UNC79: variants seen among roughly 807,000 people sequenced by gnomAD.
UNC79 encodes the protein protein unc-79 homolog.
In UNC79, 37 loss-of-function variants were observed where a neutral mutation model predicts 283.1. The ratio of observed to expected loss-of-function variants is 0.13; its 90% CI spans 0.10 to 0.17. The LOEUF (loss-of-function observed/expected upper bound fraction) is 0.17, where lower values mean the gene tolerates loss of function less well. Among genes scored for constraint, UNC79 ranks in the 10% least tolerant of loss-of-function variants. The pLI is 1.00. For missense variants in UNC79, 2,272 were observed against 3,211.1 expected (o/e 0.71, Z 7.07); for synonymous variants, 1,107 against 1,200.2 (o/e 0.92, Z 1.61).
At chr14:93,382,289 G>A (rs1246504384) in intron 1 of UNC79, among the ~76,000 whole-genome samples, 1 of 152,122 alleles carries the variant, frequency 6.6e-6, no homozygotes, top group Admixed American at 6.6e-5. Flanking sequence ...GCAGCTTTGA[G>A]AAGAAAAGAA....
rs549732637 is a variant in UNC79, at chr14:93,513,555, A to T, written c.899-10423A>T. Among the ~76,000 whole-genome samples the T allele has an allele frequency of 1.9e-3, 290 of 152,200 alleles. 2 individuals are homozygous for T. The highest frequency in any genetic ancestry group is 6.6e-3 in the African/African-American group (275 of 41,530). ...TTTTATGGGATATAAAGTATCCCAT[A>T]CATTTTTGTTATGGCCTGATATTTT... is the stretch of plus-strand genomic sequence containing the variant. On this transcript the variant is annotated intron_variant, in intron 7 of 48. Coordinates refer to ENST00000555664, the Ensembl canonical transcript of UNC79.
At chr14:93,426,437 A>G (rs561998411), upstream of UNC79, among the ~76,000 whole-genome samples, 130 of 150,574 alleles carry the variant, frequency 8.6e-4, 1 homozygote, top group Admixed American at 1.3e-3. Context: ...TAAATATTTT[A>G]AAATAATATA....
chr14:93,403,049 T>TCC (rs2055143755), intron 1 of UNC79, among the ~76,000 whole-genome samples: 1 of 152,188 alleles, frequency 6.6e-6, no homozygotes. Flanking sequence ...GAGTGGGGCT[T>TCC]CCAGGTCATA....
At chr14:93,510,390 G>C (rs750799351) in intron 7 of UNC79, among the ~76,000 whole-genome samples, 7 of 152,148 alleles carry the variant, frequency 4.6e-5, no homozygotes, top group Non-Finnish European at 1.0e-4. Flanking sequence ...TTTACCACAT[G>C]GTCAGGCTGC....
intron 18 of UNC79, among the ~76,000 whole-genome samples, chr14:93,579,861 GA>G (rs2063686623): frequency 6.6e-6 from 1 of 152,134 alleles, no homozygotes; most frequent in Non-Finnish European, 1.5e-5. Context: ...CTCACAAACC[GA>G]TTAGCCAAAA....
At chr14:93,425,357 G>A (rs1458925326), upstream of UNC79, among the ~76,000 whole-genome samples, 1 of 152,198 alleles carries the variant, frequency 6.6e-6, no homozygotes, top group Non-Finnish European at 1.5e-5. Context: ...CATGACACAT[G>A]GGGATTTTGG....
intron 1 of UNC79, among the ~76,000 whole-genome samples, chr14:93,463,842 A>G (rs1017745549): frequency 1.3e-5 from 2 of 152,120 alleles, no homozygotes; most frequent in Non-Finnish European, 2.9e-5. Flanking sequence ...TCATATTCTT[A>G]ACTCTTACTA....
At chr14:93,527,398 GT>G (rs2060594795) in intron 8 of UNC79, among the ~76,000 whole-genome samples, 2 of 152,218 alleles carry the variant, frequency 1.3e-5, no homozygotes, top group African/African-American at 4.8e-5. Flanking sequence ...TACAAAAAAA[GT>G]TTGCCAATCT....
rs542388248 is a variant in UNC79 at position 93,347,390 on chromosome 14, C to T, written c.-351+13867C>T. ...CCCCCGCGCCAGCGGCCCCTGTCTG[C>T]CGCGGTGAGTTGAGGCCCAGCCATC... On this transcript the variant is annotated intron_variant, in intron 1 of 49. Transcript: ENST00000256339. 5.9e-6 allele frequency: 9 copies of T among 1,533,642 alleles called. No individual in the cohort carries two copies. The South Asian group carries it at 5.9e-5, about 10-fold the overall frequency.
chr14:93,615,739 A>G lies in UNC79; in HGVS notation c.4042-1383A>G, dbSNP rs2066664784. ...CCATCTCAAAAAAAAAAAAAAAAAA[A>G]AAAAAAGAAAAGAAGAAAAGAAGAA... On this transcript the variant is annotated intron_variant, in intron 27 of 48. Coordinates refer to ENST00000555664, the Ensembl canonical transcript of UNC79. Among the ~76,000 whole-genome samples, 8 of 145,768 alleles carry G rather than the reference A, an allele frequency of 5.5e-5. No homozygotes were observed. In the South Asian group the frequency reaches 1.5e-3, roughly 27 times the overall value.
intron 7 of UNC79, among the ~76,000 whole-genome samples, chr14:93,523,092 A>G (rs1225297255): frequency 6.6e-6 from 1 of 152,212 alleles, no homozygotes; most frequent in Non-Finnish European, 1.5e-5. Context: ...CTTTAGAAAA[A>G]TGTCCTACTT....
chr14:93,367,785 C>T (rs1224699823), intron 1 of UNC79, among the ~76,000 whole-genome samples: 1 of 152,290 alleles, frequency 6.6e-6, no homozygotes, highest in East Asian at 1.9e-4. Flanking sequence ...AGGCAATAGG[C>T]TTCCTAATTT....
At chr14:93,333,972 GAC>G (rs35569439) in intron 1 of UNC79, among the ~76,000 whole-genome samples, 23,919 of 152,182 alleles carry the variant, frequency 0.16, 2,093 homozygotes, top group East Asian at 0.31. Context: ...TCCTCTGATA[GAC>G]ATTAGCAACT....
At position 93,430,547 on chromosome 14, in the gene UNC79, G is replaced by A. The variant is rs2055835328; in HGVS notation, c.-483G>A. 1 of 153,118 alleles carries A rather than the reference G, an allele frequency of 6.5e-6. No homozygotes were observed. Among genetic ancestry groups the A allele is most frequent in the African/African-American group, 2.4e-5 (1 of 41,416 alleles). The allele number at this position is 153,118 out of a possible 1,614,324, so 9.5% of individuals were successfully genotyped here. A position where few individuals can be genotyped will look rare whatever the true frequency, so the allele number is the denominator to read the frequency against. On this transcript the variant is annotated 5_prime_UTR_variant, in exon 1 of 49. Coordinates refer to ENST00000555664, the Ensembl canonical transcript of UNC79. This position sits in a 1 kb window ranked among gnomAD's most constrained non-coding sequence, Gnocchi z 4.6. ...TGCTGAGGCTCCGGGGGCTGCTCCG[G>A]GAGCAGGATTTACAGGCCCGGAGAA...
At chr14:93,464,948 C>A (rs935433354) in intron 1 of UNC79, among the ~76,000 whole-genome samples, 1 of 152,192 alleles carries the variant, frequency 6.6e-6, no homozygotes, top group Non-Finnish European at 1.5e-5. Context: ...ACCTTTTTGG[C>A]TGCTCTCAAG....
exon 1 of UNC79, chr14:93,333,332 A>C: frequency 2.5e-6 from 1 of 398,824 alleles, no homozygotes; most frequent in Non-Finnish European, 4.4e-6. Context: ...ATCAGAATAT[A>C]AGAACTGTGT....
intron 47 of UNC79, among the ~76,000 whole-genome samples, chr14:93,696,094 G>C (rs967704663): frequency 6.6e-6 from 1 of 151,952 alleles, no homozygotes; most frequent in African/African-American, 2.4e-5. Context: ...TCTTTCACTT[G>C]TAATAATTAT....
exon 30 of UNC79, chr14:93,622,177 AGAG>A: frequency 1.2e-6 from 2 of 1,614,172 alleles, no homozygotes; most frequent in Non-Finnish European, 8.5e-7. Flanking sequence ...GTGACGAAGA[AGAG>A]GAGACGATGA....
intron 32 of UNC79, among the ~76,000 whole-genome samples, chr14:93,640,251 G>A (rs1166299979): frequency 6.6e-6 from 1 of 152,112 alleles, no homozygotes; most frequent in Non-Finnish European, 1.5e-5. Flanking sequence ...TTTAAACACC[G>A]TGGTATCGAT....
Sources: gnomAD v4.1 joint callset for allele counts (sites outside exome capture counted in the v4.1 genomes callset) on GRCh38, gnomAD v4.1.1 for gene constraint, Gnocchi (gnomAD v3.1) non-coding constraint, MANE v1.5 for transcripts, NCBI Gene and HGNC (gene_info 2026-07-23, HGNC 2026-07-21) for gene names.